The following OPCML variants were observed in gnomAD, a reference collection of about 807,000 sequenced individuals.
The protein encoded by OPCML is opioid-binding protein/cell adhesion molecule.
A neutral mutation model predicts 37.8 loss-of-function variants in OPCML; 13 were observed. The observed-to-expected ratio is 0.34, with a 90% CI of 0.22 to 0.55. The LOEUF is 0.55. Ranked by LOEUF, OPCML falls within the 20% of genes least tolerant of loss-of-function variation. The pLI, the probability that OPCML is intolerant of heterozygous loss-of-function variation, is 0.91. For synonymous variants in OPCML, 176 were observed against 168.8 expected (o/e 1.04, Z -0.33); for missense variants, 341 against 435.6 (o/e 0.78, Z 1.93).
At chr11:133,455,200 A>C (rs1946650641) in intron 1 of OPCML, among the ~76,000 whole-genome samples, 1 of 152,242 alleles carries the variant, frequency 6.6e-6, no homozygotes, top group Non-Finnish European at 1.5e-5. Flanking sequence ...AAAACAATGC[A>C]GTTCTTAAAA....
intron 1 of OPCML, among the ~76,000 whole-genome samples, chr11:133,520,063 G>C (rs1948366744): frequency 6.6e-6 from 1 of 152,226 alleles, no homozygotes; most frequent in Non-Finnish European, 1.5e-5. Flanking sequence ...TCCCAAAGGA[G>C]GGTTAGAGCA....
chr11:132,744,577 CT>C (rs1281817779), intron 2 of OPCML, among the ~76,000 whole-genome samples: 1 of 152,134 alleles, frequency 6.6e-6, no homozygotes, highest in African/African-American at 2.4e-5. Flanking sequence ...TCGGAAGACC[CT>C]TTTGCCTGTT....
Position 132,478,931 on chromosome 11 carries a change from T to C in OPCML, c.506-41572A>G, listed in dbSNP as rs149916284. On this transcript the variant is annotated intron_variant, in intron 4 of 7. Coordinates refer to ENST00000524381, the MANE Select transcript of OPCML (RefSeq NM_001012393.5). Reference sequence around the variant, plus strand: ...TAATTGAAAAATAAAGGACTACTCATCAGCTGAACATGTATCAAATGTTCA... The same window carrying C: ...TAATTGAAAAATAAAGGACTACTCACCAGCTGAACATGTATCAAATGTTCA... Among the ~76,000 whole-genome samples, 690 of 152,234 alleles carry C rather than the reference T, an allele frequency of 4.5e-3. 6 individuals carry two copies. Among genetic ancestry groups the C allele is most frequent in the African/African-American group, 0.016 (661 of 41,554 alleles).
At chr11:132,782,923 A>ATATATATATATATATATATATG (rs1565860294) in intron 2 of OPCML, among the ~76,000 whole-genome samples, 106 of 143,388 alleles carry the variant, frequency 7.4e-4, no homozygotes, top group South Asian at 2.2e-3. Flanking sequence ...GTGTGTATAT[A>ATATATATATATATATATATATG]TATATATATA....
At chr11:132,728,931 GT>G (rs1944978817) in intron 2 of OPCML, among the ~76,000 whole-genome samples, 1 of 151,860 alleles carries the variant, frequency 6.6e-6, no homozygotes, top group Non-Finnish European at 1.5e-5. Context: ...CTGGGCCCCA[GT>G]GAAAAAAAAT....
intron 4 of OPCML, among the ~76,000 whole-genome samples, chr11:132,466,092 C>T (rs926919262): frequency 6.6e-6 from 1 of 152,184 alleles, no homozygotes; most frequent in Non-Finnish European, 1.5e-5. Flanking sequence ...CCTACCAGGG[C>T]CATCCTCCCT....
At chr11:132,716,812 T>C (rs1944511562) in intron 2 of OPCML, among the ~76,000 whole-genome samples, 1 of 152,176 alleles carries the variant, frequency 6.6e-6, no homozygotes, top group Admixed American at 6.5e-5. Context: ...GCATTGGGAA[T>C]ATACCAGGTG....
At chr11:133,091,900 T>C (rs1030558105) in intron 1 of OPCML, among the ~76,000 whole-genome samples, 19 of 152,138 alleles carry the variant, frequency 1.2e-4, no homozygotes, top group African/African-American at 4.6e-4. Context: ...AATGAATATA[T>C]TTTTCATGTG....
chr11:133,381,986 G>C (rs540955111), intron 1 of OPCML, among the ~76,000 whole-genome samples: 2 of 152,188 alleles, frequency 1.3e-5, no homozygotes, highest in East Asian at 1.9e-4. Context: ...TCCTGGGAGG[G>C]AGGCCGGAGC....
intron 2 of OPCML, among the ~76,000 whole-genome samples, chr11:132,775,544 G>C (rs1191234175): frequency 6.6e-6 from 1 of 152,138 alleles, no homozygotes; most frequent in Non-Finnish European, 1.5e-5. Flanking sequence ...GAGCCTCCCT[G>C]GCACTCTGAG....
intron 1 of OPCML, among the ~76,000 whole-genome samples, chr11:133,504,874 A>G (rs925356137): frequency 6.6e-6 from 1 of 152,260 alleles, no homozygotes; most frequent in African/African-American, 2.4e-5. Flanking sequence ...ATTGTGTTAA[A>G]ATAAATACAA....
intron 2 of OPCML, among the ~76,000 whole-genome samples, chr11:132,778,728 GAA>G (rs1440108096): frequency 6.6e-6 from 1 of 152,032 alleles, no homozygotes; most frequent in Non-Finnish European, 1.5e-5. Context: ...CCAGTTCCGC[GAA>G]GTCATTTCAC....
chr11:133,158,306 A>T (rs538749812), intron 1 of OPCML, among the ~76,000 whole-genome samples: 1 of 152,344 alleles, frequency 6.6e-6, no homozygotes, highest in South Asian at 2.1e-4. Flanking sequence ...GGCTTAGTTG[A>T]GAAACCCAAA....
At chr11:132,886,117 G>A (rs994281700) in intron 2 of OPCML, among the ~76,000 whole-genome samples, 5 of 152,164 alleles carry the variant, frequency 3.3e-5, no homozygotes, top group African/African-American at 1.2e-4. Flanking sequence ...GTATGGATTA[G>A]CGTAATTTAC....
chr11:133,025,687 T>C (rs1565404052), intron 1 of OPCML, among the ~76,000 whole-genome samples: 1 of 151,698 alleles, frequency 6.6e-6, no homozygotes, highest in Non-Finnish European at 1.5e-5. Context: ...TCCTGAGTAG[T>C]TGAGATTATG....
chr11:133,325,860 C>T (rs553560268), intron 1 of OPCML, among the ~76,000 whole-genome samples: 3 of 152,140 alleles, frequency 2.0e-5, no homozygotes, highest in Non-Finnish European at 4.4e-5. Flanking sequence ...GCAATGCGGC[C>T]CTCTGTTCTG....
intron 4 of OPCML, among the ~76,000 whole-genome samples, chr11:132,490,295 G>A (rs1170693185): frequency 6.6e-6 from 1 of 151,680 alleles, no homozygotes; most frequent in Non-Finnish European, 1.5e-5. Flanking sequence ...CACCTCTCCT[G>A]GAAATCACTT....
intron 2 of OPCML, among the ~76,000 whole-genome samples, chr11:132,768,190 C>T (rs947997868): frequency 2.0e-5 from 3 of 152,182 alleles, no homozygotes; most frequent in Non-Finnish European, 4.4e-5. Flanking sequence ...ATTGGAGACG[C>T]GTAAAGGGCT....
intron 2 of OPCML, among the ~76,000 whole-genome samples, chr11:132,887,878 C>T (rs1040087200): frequency 4.9e-4 from 74 of 152,164 alleles, no homozygotes; most frequent in African/African-American, 1.6e-3. Context: ...AATATATTTC[C>T]TATCCCAGAG....
Sources: gnomAD v4.1 joint callset for allele counts (sites outside exome capture counted in the v4.1 genomes callset) on GRCh38, gnomAD v4.1.1 for gene constraint, MANE v1.5 for transcripts, NCBI Gene and HGNC (gene_info 2026-07-23, HGNC 2026-07-21) for gene names.